Variants in NKAIN3 observed in about 807,000 individuals in gnomAD.
The protein encoded by NKAIN3 is sodium/potassium-transporting ATPase subunit beta-1-interacting protein 3.
NKAIN3 carries 25 observed loss-of-function variants against 30.2 expected under a neutral mutation model. That is an observed-to-expected ratio of 0.83 (90% CI 0.60 to 1.16). The LOEUF is 1.16. Ranked by LOEUF, NKAIN3 falls within the 50% of genes most tolerant of loss-of-function variation. NKAIN3 has a pLI of 0.00. For synonymous variants in NKAIN3, 91 were observed against 89.6 expected (o/e 1.02, Z -0.09); for missense variants, 225 against 254.1 (o/e 0.89, Z 0.78).
At position 62,464,154 on chromosome 8, in the gene NKAIN3, G is replaced by A. The variant is rs141219521; in HGVS notation, c.55-115385G>A. ...GTTAACAATGGAGGAAACTGGGTGA[G>A]GAGTATGTGGGAATTCTCCATACTG... is the stretch of plus-strand genomic sequence containing the variant. On this transcript the variant is annotated intron_variant, in intron 1 of 6. Coordinates refer to ENST00000623646, the MANE Select transcript of NKAIN3 (RefSeq NM_001304533.3). 4.3e-3 allele frequency among the ~76,000 whole-genome samples: 652 copies of A among 152,282 alleles called. 1 individual carries two copies. Among genetic ancestry groups the A allele is most frequent in the Non-Finnish European group, 7.3e-3 (497 of 68,016 alleles).
intron 3 of NKAIN3, among the ~76,000 whole-genome samples, chr8:62,605,514 A>G (rs991767778): frequency 6.6e-6 from 1 of 151,904 alleles, no homozygotes; most frequent in Admixed American, 6.6e-5. Flanking sequence ...TTGCCCCCAT[A>G]AAGTATTTAG....
intron 5 of NKAIN3, among the ~76,000 whole-genome samples, chr8:62,930,042 C>T (rs1175469982): frequency 6.6e-6 from 1 of 152,116 alleles, no homozygotes; most frequent in Non-Finnish European, 1.5e-5. Context: ...AGCTTCTTTT[C>T]ATTGTGCTAA....
intron 4 of NKAIN3, among the ~76,000 whole-genome samples, chr8:62,879,354 G>A (rs1212938117): frequency 1.3e-5 from 2 of 152,026 alleles, no homozygotes; most frequent in Non-Finnish European, 2.9e-5. Flanking sequence ...GTTTTTGATG[G>A]GGCTGTTTGT....
chr8:62,585,116 G>A (rs764202766), intron 2 of NKAIN3, among the ~76,000 whole-genome samples: 1 of 152,164 alleles, frequency 6.6e-6, no homozygotes, highest in African/African-American at 2.4e-5. Context: ...ATCTCAGCCT[G>A]AACTTGGTTG....
chr8:62,733,568 C>CT (rs952105576), intron 3 of NKAIN3, among the ~76,000 whole-genome samples: 17 of 151,988 alleles, frequency 1.1e-4, no homozygotes, highest in South Asian at 2.1e-4. Flanking sequence ...TTAATAACTT[C>CT]TTTTTTTTAA....
intron 1 of NKAIN3, among the ~76,000 whole-genome samples, chr8:62,533,055 TGTG>T (rs1808535513): frequency 6.6e-6 from 1 of 152,152 alleles, no homozygotes; most frequent in African/African-American, 2.4e-5. Flanking sequence ...ATTCTAGTGG[TGTG>T]GGGGAGACAA....
chr8:62,761,174 G>C (rs1816649175), intron 4 of NKAIN3, among the ~76,000 whole-genome samples: 1 of 152,152 alleles, frequency 6.6e-6, no homozygotes, highest in Non-Finnish European at 1.5e-5. Context: ...AGACATTTAT[G>C]TATAGGTAAG....
chr8:62,434,076 G>T (rs1306611838), intron 1 of NKAIN3, among the ~76,000 whole-genome samples: 1 of 152,100 alleles, frequency 6.6e-6, no homozygotes, highest in Non-Finnish European at 1.5e-5. Context: ...TGCTGAGCAT[G>T]CCAAAGAGAA....
At chr8:62,607,520 T>G (rs983163161) in intron 3 of NKAIN3, among the ~76,000 whole-genome samples, 4 of 152,166 alleles carry the variant, frequency 2.6e-5, no homozygotes, top group Non-Finnish European at 5.9e-5. Context: ...GTCTATATAT[T>G]TCTTCTTCCT....
intron 4 of NKAIN3, 52 bp downstream of exon 4, chr8:62,747,181 T>A: frequency 8.1e-7 from 1 of 1,232,356 alleles, no homozygotes. Context: ...TTTGCTGGCA[T>A]TTTTTTCTCC....
intron 4 of NKAIN3, among the ~76,000 whole-genome samples, chr8:62,795,598 CT>C (rs144020259): frequency 0.024 from 3,603 of 151,052 alleles, 127 homozygotes; most frequent in African/African-American, 0.078. Context: ...TGTCTTTTGT[CT>C]TTTTTTTTAG....
chr8:62,640,568 C>G lies in NKAIN3; in HGVS notation c.273+50774C>G, dbSNP rs543917196. Among the ~76,000 whole-genome samples, 8 of 152,248 alleles carry G rather than the reference C, an allele frequency of 5.3e-5. No homozygotes were observed. The South Asian group carries it at 1.2e-3, about 24-fold the overall frequency. ...GATTTGTGAACTTTCAGATTGAAGA[C>G]TGAATTTACCATTGTGAATTAAATG... On this transcript the variant is annotated intron_variant, in intron 3 of 6. Transcript: ENST00000623646.
chr8:62,932,750 T>C (rs1169317691), intron 5 of NKAIN3, among the ~76,000 whole-genome samples: 1 of 152,052 alleles, frequency 6.6e-6, no homozygotes, highest in African/African-American at 2.4e-5. Context: ...TTAAATTTGT[T>C]TTTTTAGAGA....
At chr8:62,919,907 T>TTG (rs72538977) in intron 5 of NKAIN3, among the ~76,000 whole-genome samples, 78,179 of 137,892 alleles carry the variant, frequency 0.57, 20,485 homozygotes, top group East Asian at 0.75. Flanking sequence ...TTACACAGAG[T>TTG]TTTTTTTTTT....
intron 1 of NKAIN3, among the ~76,000 whole-genome samples, chr8:62,272,894 A>G (rs533100365): frequency 1.3e-5 from 2 of 152,342 alleles, no homozygotes; most frequent in East Asian, 1.9e-4. Flanking sequence ...AGATCTTCAC[A>G]TAAACTGTTG....
At chr8:62,782,642 G>A (rs903076539) in intron 4 of NKAIN3, among the ~76,000 whole-genome samples, 2 of 151,568 alleles carry the variant, frequency 1.3e-5, no homozygotes, top group Admixed American at 1.3e-4. Context: ...GGAATTGGAG[G>A]TCATTAATTT....
intron 2 of NKAIN3, among the ~76,000 whole-genome samples, chr8:62,587,996 C>G (rs1289588676): frequency 6.6e-6 from 1 of 151,880 alleles, no homozygotes; most frequent in African/African-American, 2.4e-5. Flanking sequence ...GAATTAGTCC[C>G]AATAATTAAG....
At chr8:62,799,586 C>A (rs1179037506) in intron 4 of NKAIN3, among the ~76,000 whole-genome samples, 2 of 152,138 alleles carry the variant, frequency 1.3e-5, no homozygotes, top group Non-Finnish European at 2.9e-5. Flanking sequence ...AAGACTTTTA[C>A]ACTGTTGGTG....
intron 4 of NKAIN3, among the ~76,000 whole-genome samples, chr8:62,825,548 T>C (rs79725527): frequency 0.018 from 2,779 of 152,272 alleles, 93 homozygotes; most frequent in African/African-American, 0.063. Context: ...TGTGTGTGTT[T>C]GTCGTCTTTA....
Sources: allele counts gnomAD v4.1 joint callset (sites outside exome capture counted in the v4.1 genomes callset), GRCh38; gene constraint gnomAD v4.1.1; transcripts MANE v1.5; gene names NCBI Gene and HGNC (gene_info 2026-07-23, HGNC 2026-07-21).